The following TFF3 variants were observed in gnomAD, a reference collection of about 807,000 sequenced individuals.
TFF3 encodes polypeptide P1.B.
A neutral mutation model predicts 9.7 loss-of-function variants in TFF3; 6 were observed. That is an observed-to-expected ratio of 0.62 (90% CI 0.34 to 1.22). The LOEUF is 1.22. Among genes scored for constraint, TFF3 ranks in the 50% most tolerant of loss-of-function variants. The pLI, the probability that TFF3 is intolerant of heterozygous loss-of-function variation, is 0.04. For synonymous variants in TFF3, 48 were observed against 41.4 expected (o/e 1.16, Z -0.61); for missense variants, 93 against 98.6 (o/e 0.94, Z 0.24).
At position 42,313,725 on chromosome 21, in the gene TFF3, C is replaced by T. The variant is rs753354301; in HGVS notation, c.83-94G>A. 2.1e-5 allele frequency: 29 copies of T among 1,401,858 alleles called. No individual in the cohort carries two copies. The highest frequency in any genetic ancestry group is 4.4e-5 in the South Asian group (3 of 68,400). 86.8% of individuals were successfully genotyped at this position (1,401,858 alleles called of 1,614,324 possible). On this transcript the variant is annotated intron_variant, in intron 1 of 2. Coordinates refer to ENST00000518498, the MANE Select transcript of TFF3 (RefSeq NM_003226.4). This position sits in a 1 kb window ranked among gnomAD's most constrained non-coding sequence, Gnocchi z 4.0. ...TTTGCAAGTTTGCATCCTCCCGCTC[C>T]GCCCCACCCCGCCGAGTTCAACCAC...
Position 42,314,067 on chromosome 21 carries a change from A to G in TFF3, c.83-436T>C, listed in dbSNP as rs570301579. Among the ~76,000 whole-genome samples, 341 of 152,326 alleles carry G rather than the reference A, an allele frequency of 2.2e-3. 1 individual carries two copies. The highest frequency in any genetic ancestry group is 3.9e-3 in the Non-Finnish European group (265 of 68,016). ...CACGCCATAGAGATCATTGCAACGC[A>G]TGCTGCCTGCTTTTCACTTTTTTCT... On this transcript the variant is annotated intron_variant, in intron 1 of 2. Transcript: ENST00000518498.
Position 42,312,073 on chromosome 21 carries a change from T to C in TFF3, c.*183A>G. 2 of 809,006 alleles carry C rather than the reference T, an allele frequency of 2.5e-6. No individual in the cohort carries two copies. Among genetic ancestry groups the C allele is most frequent in the South Asian group, 2.8e-5 (2 of 70,340 alleles). The allele number at this position is 809,006 out of a possible 1,614,324, so 50.1% of individuals were successfully genotyped here. ...AAGTCTCAGGCACGAAGAACTGTCCTCGGGTGGAGCATGGGACCTTTATTC... is the reference window on the plus strand; with the variant it reads ...AAGTCTCAGGCACGAAGAACTGTCCCCGGGTGGAGCATGGGACCTTTATTC... On this transcript the variant is annotated 3_prime_UTR_variant, in exon 3 of 3. Coordinates refer to ENST00000518498, the MANE Select transcript of TFF3 (RefSeq NM_003226.4).
chr21:42,313,607 G>A lies in TFF3; in HGVS notation c.107C>T (p.Ala36Val). The change falls in exon 2 of 3, where the codon GCC becomes GTC. Residue 36 changes from alanine to valine, a missense_variant. Ala to Val is a moderately conservative substitution (Grantham distance 64, BLOSUM62 0). Coordinates refer to ENST00000518498, the MANE Select transcript of TFF3 (RefSeq NM_003226.4). This position sits in a 1 kb window ranked among gnomAD's most constrained non-coding sequence, Gnocchi z 4.0. ...GTAGCCGCAGTCCACCCTGTCCTTG[G>A]CTGGCACGGCACACTGGTTTGCAGC... ...GLSANQCAVPAKDRVDCGYPH... is the reference protein window; with the variant it reads ...GLSANQCAVPVKDRVDCGYPH... The A allele has an allele frequency of 6.2e-7, 1 of 1,610,450 alleles. No homozygotes were observed. The highest frequency in any genetic ancestry group is 1.7e-5 in the Admixed American group (1 of 59,756).
rs146526737 is a variant in TFF3, at chr21:42,312,006, G to A, written c.*250C>T. The A allele has an allele frequency of 9.6e-4, 525 of 546,164 alleles. 1 individual carries two copies. The highest frequency in any genetic ancestry group is 1.5e-3 in the Non-Finnish European group (415 of 283,044). 33.8% of individuals were successfully genotyped at this position (546,164 alleles called of 1,614,324 possible). ...GCAGACTCTCCCCTGACACCCTCCC[G>A]CCCTCTCCCACGACGCAGCAGAAAT... On this transcript the variant is annotated 3_prime_UTR_variant, in exon 3 of 3. Transcript: ENST00000518498.
At chr21:42,312,855 C>A (rs572011164) in intron 2 of TFF3, among the ~76,000 whole-genome samples, 38 of 152,172 alleles carry the variant, frequency 2.5e-4, no homozygotes, top group Non-Finnish European at 4.7e-4. Context: ...ATCGCCCCAC[C>A]CACGATGTGG....
intron 2 of TFF3, 138 bp from the exon 3 acceptor site, chr21:42,312,407 C>CT: frequency 2.0e-6 from 2 of 1,002,370 alleles, no homozygotes; most frequent in Non-Finnish European, 2.9e-6. Flanking sequence ...TGAGTCCCCA[C>CT]CACATGGGGG....
chr21:42,314,905 G>A (rs928453185), intron 1 of TFF3, among the ~76,000 whole-genome samples: 20 of 152,192 alleles, frequency 1.3e-4, no homozygotes, highest in Non-Finnish European at 4.4e-5. Flanking sequence ...TGTGCCTGCC[G>A]GTATTGACAG....
At chr21:42,312,692 C>T (rs992204152) in intron 2 of TFF3, among the ~76,000 whole-genome samples, 6 of 152,116 alleles carry the variant, frequency 3.9e-5, no homozygotes, top group Non-Finnish European at 7.4e-5. Flanking sequence ...ATCAGGGAGC[C>T]GGGGCCAGCA....
In TFF3 at chr21:42,312,214, T is replaced by C; in HGVS notation, c.*42A>G. The C allele has an allele frequency of 6.2e-7, 1 of 1,613,822 alleles. No homozygotes were observed. Among genetic ancestry groups the C allele is most frequent in the South Asian group, 1.1e-5 (1 of 91,076 alleles). The stretch of plus-strand genomic sequence containing the variant: ...AGCAATCACAGCCGGGCAAGGGTGC[T>C]CCGAGCCTCGCATCCCCCGGCCGGG... On this transcript the variant is annotated 3_prime_UTR_variant, in exon 3 of 3. Transcript: ENST00000518498.
chr21:42,311,941 G>GCAGC lies in TFF3; in HGVS notation c.*311_*314dup. 1.7e-6 allele frequency: 1 copy of GCAGC among 580,724 alleles called. No individual in the cohort carries two copies. The highest frequency in any genetic ancestry group is 1.9e-5 in the South Asian group (1 of 51,392). 36.0% of individuals were successfully genotyped at this position (580,724 alleles called of 1,614,324 possible). On this transcript the variant is annotated 3_prime_UTR_variant, in exon 3 of 3. Transcript: ENST00000518498. ...GATTCAAAATATCCTTGCATGCACTGCAGCTCCTTAGGGAGTCTTTTCCTG... is the reference window on the plus strand; with the variant it reads ...GATTCAAAATATCCTTGCATGCACTGCAGCCAGCTCCTTAGGGAGTCTTTTCCTG...
chr21:42,313,570 G>A lies in TFF3; in HGVS notation c.144C>T (p.Thr48=), dbSNP rs755215438. Reference sequence around the variant, plus strand: ...AGCCCCGGTTGTTGCACTCCTTGGGGGTGACATGGGGGTAGCCGCAGTCCA... The same window carrying A: ...AGCCCCGGTTGTTGCACTCCTTGGGAGTGACATGGGGGTAGCCGCAGTCCA... ...DRVDCGYPHV[T]PKECNNRGCC... The change falls in exon 2 of 3, where the codon ACC becomes ACT. Residue 48 remains threonine (T), a synonymous_variant. Coordinates refer to ENST00000518498, the MANE Select transcript of TFF3 (RefSeq NM_003226.4). This position sits in a 1 kb window ranked among gnomAD's most constrained non-coding sequence, Gnocchi z 4.0. The A allele has an allele frequency of 1.6e-5, 25 of 1,611,168 alleles. No homozygotes were observed. The highest frequency in any genetic ancestry group is 2.7e-5 in the African/African-American group (2 of 74,804).
rs1311383852 is a variant in TFF3 at position 42,311,975 on chromosome 21, G to A, written c.*281C>T. The A allele has an allele frequency of 6.2e-6, 4 of 646,192 alleles. No homozygotes were observed. In the African/African-American group the frequency reaches 7.2e-5, roughly 12 times the overall value. The allele number at this position is 646,192 out of a possible 1,614,324, so 40.0% of individuals were successfully genotyped here. A position where few individuals can be genotyped will look rare whatever the true frequency, so the allele number is the denominator to read the frequency against. Reference sequence around the variant, plus strand: ...TAGGGAGTCTTTTCCTGCCCTTGAGGCCTGGGCAGACTCTCCCCTGACACC... The same window carrying A: ...TAGGGAGTCTTTTCCTGCCCTTGAGACCTGGGCAGACTCTCCCCTGACACC... On this transcript the variant is annotated 3_prime_UTR_variant, in exon 3 of 3. Transcript: ENST00000518498.
rs1356732911 is a variant in TFF3 at position 42,315,284 on chromosome 21, A to T, written c.82+9T>A. ...ACCCTGCCACCGGGGCAGTCAGGGC[A>T]GTACTCACACAGGCCCACGTACTCC... is the stretch of plus-strand genomic sequence containing the variant. On this transcript the variant is annotated intron_variant, in intron 1 of 2. Transcript: ENST00000518498. 1 of 1,611,718 alleles carries T rather than the reference A, an allele frequency of 6.2e-7. No homozygotes were observed. Among genetic ancestry groups the T allele is most frequent in the Non-Finnish European group, 8.5e-7 (1 of 1,178,894 alleles).
rs962735516 is a variant in TFF3, at chr21:42,311,772, A to C, written c.*484T>G. ...TTGTGAAATAAAGGACCACTTTGGA[A>C]GACAGTTTTATTGGCTTGCTGTCTT... On this transcript the variant is annotated 3_prime_UTR_variant, in exon 3 of 3. Transcript: ENST00000518498. 2.2e-5 allele frequency: 6 copies of C among 270,852 alleles called. No individual in the cohort carries two copies. The highest frequency in any genetic ancestry group is 4.3e-5 in the Non-Finnish European group (6 of 139,850). The allele number at this position is 270,852 out of a possible 1,614,324, so 16.8% of individuals were successfully genotyped here. A position where few individuals can be genotyped will look rare whatever the true frequency, so the allele number is the denominator to read the frequency against.
chr21:42,311,869 G>T lies in TFF3; in HGVS notation c.*387C>A. 2.6e-6 allele frequency: 1 copy of T among 378,996 alleles called. No individual in the cohort carries two copies. Among genetic ancestry groups the T allele is most frequent in the Non-Finnish European group, 4.8e-6 (1 of 206,450 alleles). The allele number at this position is 378,996 out of a possible 1,614,324, so 23.5% of individuals were successfully genotyped here. A position where few individuals can be genotyped will look rare whatever the true frequency, so the allele number is the denominator to read the frequency against. ...TTTTTTCTGCTTTCCCGAGGAAGCG[G>T]CACTTACAGTGTTCCTAGGCTTTCC... On this transcript the variant is annotated 3_prime_UTR_variant, in exon 3 of 3. Coordinates refer to ENST00000518498, the MANE Select transcript of TFF3 (RefSeq NM_003226.4).
At position 42,313,374 on chromosome 21, in the gene TFF3, G is replaced by T; in HGVS notation, c.229+111C>A. ...GGCCTTGGAACAGGTGTGTGTGTGT[G>T]GCTTCCTGGGGTCCTTGTGCCTCCA... On this transcript the variant is annotated intron_variant, in intron 2 of 2. Transcript: ENST00000518498. This position sits in a 1 kb window ranked among gnomAD's most constrained non-coding sequence, Gnocchi z 4.0. 7.5e-7 allele frequency: 1 copy of T among 1,332,568 alleles called. No individual in the cohort carries two copies. The highest frequency in any genetic ancestry group is 1.0e-6 in the Non-Finnish European group (1 of 987,896). 82.5% of individuals were successfully genotyped at this position (1,332,568 alleles called of 1,614,324 possible).
intron 1 of TFF3, among the ~76,000 whole-genome samples, chr21:42,314,724 A>AT (rs2069349131): frequency 6.6e-6 from 1 of 152,134 alleles, no homozygotes; most frequent in Non-Finnish European, 1.5e-5. Context: ...AAGCATTAGG[A>AT]TTTTTAAAGC....
At position 42,313,735 on chromosome 21, in the gene TFF3, CGCCGAGTTCAACCACT is replaced by C. The variant is rs1262424504; in HGVS notation, c.83-120_83-105del. 21 of 1,373,730 alleles carry C rather than the reference CGCCGAGTTCAACCACT, an allele frequency of 1.5e-5. No individual in the cohort carries two copies. Among genetic ancestry groups the C allele is most frequent in the Non-Finnish European group, 1.6e-5 (17 of 1,035,246 alleles). The allele number at this position is 1,373,730 out of a possible 1,614,324, so 85.1% of individuals were successfully genotyped here. A position where few individuals can be genotyped will look rare whatever the true frequency, so the allele number is the denominator to read the frequency against. ...TGCATCCTCCCGCTCCGCCCCACCC[CGCCGAGTTCAACCACT>C]GCTGAAACCCTCGCCCTTAGGAAGA... On this transcript the variant is annotated intron_variant, in intron 1 of 2. Transcript: ENST00000518498. The surrounding 1 kb of genome is among the most constrained non-coding windows in gnomAD (Gnocchi z 4.0).
At position 42,312,114 on chromosome 21, in the gene TFF3, T is replaced by TTAA; in HGVS notation, c.*141_*142insTTA. ...ACCTTTATTCGTTAAGACATCAGGC[T>TTAA]CCAGATATGAACTTTCAGCAGAAGC... On this transcript the variant is annotated 3_prime_UTR_variant, in exon 3 of 3. Coordinates refer to ENST00000518498, the MANE Select transcript of TFF3 (RefSeq NM_003226.4). The TTAA allele has an allele frequency of 8.9e-7, 1 of 1,117,870 alleles. No homozygotes were observed. Among genetic ancestry groups the TTAA allele is most frequent in the Non-Finnish European group, 1.4e-6 (1 of 729,256 alleles). The allele number at this position is 1,117,870 out of a possible 1,614,324, so 69.2% of individuals were successfully genotyped here. A position where few individuals can be genotyped will look rare whatever the true frequency, so the allele number is the denominator to read the frequency against.
Sources: allele counts gnomAD v4.1 joint callset (sites outside exome capture counted in the v4.1 genomes callset), GRCh38; gene constraint gnomAD v4.1.1; non-coding constraint Gnocchi (gnomAD v3.1); transcripts MANE v1.5; gene names NCBI Gene and HGNC (gene_info 2026-07-23, HGNC 2026-07-21).